The following WDR20 variants were observed in gnomAD, a reference collection of about 807,000 sequenced individuals.
WDR20 encodes the protein WD repeat domain 20, also known as WD repeat-containing protein 20.
WDR20 carries 3 observed loss-of-function variants against 38.7 expected under a neutral mutation model. The ratio of observed to expected loss-of-function variants is 0.08; its 90% confidence interval spans 0.04 to 0.20. The LOEUF (loss-of-function observed/expected upper bound fraction) is 0.20. Among genes scored for constraint, WDR20 ranks in the 10% least tolerant of loss-of-function variants. WDR20 has a pLI of 1.00. For missense variants in WDR20, 559 were observed against 727.7 expected, an observed-to-expected ratio of 0.77 and a Z score of 2.67; for synonymous variants, 298 against 285.6, an observed-to-expected ratio of 1.04 and a Z score of -0.44.
downstream of WDR20, among the ~76,000 whole-genome samples, chr14:102,215,977 G>A (rs1653870229): frequency 6.6e-6 from 1 of 152,128 alleles, no homozygotes; most frequent in South Asian, 2.1e-4. Flanking sequence ...CCTTCCTCAG[G>A]CCCTTGTGCT....
rs1395319327 is a variant in WDR20, at chr14:102,220,849, C to T, written c.1693-1981C>T. On this transcript the variant is annotated intron_variant, in intron 3 of 3. Coordinates refer to the WDR20 transcript ENST00000335263. This position sits in a 1 kb window ranked among gnomAD's most constrained non-coding sequence, Gnocchi z 4.2. Reference sequence around the variant, plus strand: ...GTGCAGTGGATCGCGGCTCATTGCACCCTGCATCTCCTGGGCTCAAGCCAT... The same window carrying T: ...GTGCAGTGGATCGCGGCTCATTGCATCCTGCATCTCCTGGGCTCAAGCCAT... Among the ~76,000 whole-genome samples, 1 of 152,042 alleles carries T rather than the reference C, an allele frequency of 6.6e-6. No individual in the cohort carries two copies. The highest frequency in any genetic ancestry group is 1.5e-5 in the Non-Finnish European group (1 of 68,000).
chr14:102,217,846 C>T (rs894649923), downstream of WDR20, among the ~76,000 whole-genome samples: 10 of 152,202 alleles, frequency 6.6e-5, no homozygotes, highest in Non-Finnish European at 1.2e-4. Flanking sequence ...TCATCGTTTC[C>T]GCACCGTCTC....
At chr14:102,153,166 C>T (rs1238232269) in intron 1 of WDR20, among the ~76,000 whole-genome samples, 1 of 152,130 alleles carries the variant, frequency 6.6e-6, no homozygotes, top group African/African-American at 2.4e-5. Context: ...CTTGCACCTT[C>T]TTTCTCCATG....
At chr14:102,151,725 T>C (rs147110203) in intron 1 of WDR20, among the ~76,000 whole-genome samples, 67 of 151,364 alleles carry the variant, frequency 4.4e-4, no homozygotes, top group African/African-American at 1.5e-3. Context: ...ACATGGGTAC[T>C]CTTTTCTTTT....
chr14:102,224,198 C>T (rs12884628), downstream of WDR20, among the ~76,000 whole-genome samples: 20,542 of 151,874 alleles, frequency 0.14, 1,755 homozygotes, highest in African/African-American at 0.25. Flanking sequence ...CCCGCCACCA[C>T]GCCCGGCTAA....
chr14:102,143,714 T>C (rs1206662978), intron 1 of WDR20, among the ~76,000 whole-genome samples: 2 of 151,854 alleles, frequency 1.3e-5, no homozygotes, highest in Non-Finnish European at 2.9e-5. Flanking sequence ...CCAGCTAATT[T>C]TTGTATTTTT....
Position 102,206,129 on chromosome 14 carries a change from G to A in WDR20, c.433-2474G>A, listed in dbSNP as rs558767319. ...AGCCTCCAGAGCAGCTGGGATTACA[G>A]GTTCGCACTACCATGCCCAGCTAAT... is the stretch of plus-strand genomic sequence containing the variant. On this transcript the variant is annotated intron_variant, in intron 2 of 2. Transcript: ENST00000342702. 2.0e-3 allele frequency among the ~76,000 whole-genome samples: 309 copies of A among 152,312 alleles called. 7 individuals carry two copies. The highest frequency in any genetic ancestry group is 0.02 in the Admixed American group (305 of 15,306).
chr14:102,203,064 A>G (rs1191190382), intron 2 of WDR20, among the ~76,000 whole-genome samples: 2 of 152,174 alleles, frequency 1.3e-5, no homozygotes, highest in Non-Finnish European at 2.9e-5. Flanking sequence ...GACAGTTGTC[A>G]TAGCCTCCTA....
At chr14:102,157,002 T>C (rs1389491914) in intron 1 of WDR20, among the ~76,000 whole-genome samples, 1 of 151,842 alleles carries the variant, frequency 6.6e-6, no homozygotes, top group Non-Finnish European at 1.5e-5. Context: ...AAATAAAAAA[T>C]AAATAAAATA....
intron 1 of WDR20, among the ~76,000 whole-genome samples, chr14:102,190,280 C>T (rs1375631607): frequency 6.6e-6 from 1 of 152,154 alleles, no homozygotes; most frequent in Non-Finnish European, 1.5e-5. Flanking sequence ...GTTGATTAGG[C>T]CAGGCGCAGT....
At chr14:102,174,569 G>A (rs527432311) in intron 1 of WDR20, among the ~76,000 whole-genome samples, 19 of 152,158 alleles carry the variant, frequency 1.2e-4, no homozygotes, top group East Asian at 1.9e-4. Flanking sequence ...ACAGGCGCCC[G>A]CCACCATGCC....
At chr14:102,149,031 C>T (rs1456928838) in intron 1 of WDR20, among the ~76,000 whole-genome samples, 2 of 151,834 alleles carry the variant, frequency 1.3e-5, no homozygotes, top group Non-Finnish European at 2.9e-5. Flanking sequence ...GGTGTGGTGG[C>T]GGGTGCCTGT....
At chr14:102,157,583 T>A (rs1247983620) in intron 1 of WDR20, among the ~76,000 whole-genome samples, 2 of 152,270 alleles carry the variant, frequency 1.3e-5, no homozygotes, top group South Asian at 4.1e-4. Flanking sequence ...TCCATTTGGT[T>A]CAGATAGTAG....
At chr14:102,163,765 G>A (rs1394529016) in intron 1 of WDR20, among the ~76,000 whole-genome samples, 1 of 151,718 alleles carries the variant, frequency 6.6e-6, no homozygotes, top group Non-Finnish European at 1.5e-5. Flanking sequence ...TTTACATAGT[G>A]TCTTCATTGC....
At chr14:102,206,861 C>T in intron 2 of WDR20, among the ~76,000 whole-genome samples, 1 of 152,212 alleles carries the variant, frequency 6.6e-6, no homozygotes, top group Non-Finnish European at 1.5e-5. Context: ...ACCATCCCAT[C>T]ATCCTTGCAC....
chr14:102,151,942 G>A (rs2056036061), intron 1 of WDR20, among the ~76,000 whole-genome samples: 1 of 151,768 alleles, frequency 6.6e-6, no homozygotes, highest in Admixed American at 6.6e-5. Context: ...TTTGGACACA[G>A]GGTCGGTCTC....
At position 102,210,389 on chromosome 14, in the gene WDR20, A is replaced by G; in HGVS notation, c.*509A>G. ...CTATGAAATTTAACTTTAGGAACAA[A>G]ACGTTTAGCAGGGTTGATTGATATT... On this transcript the variant is annotated 3_prime_UTR_variant, in exon 3 of 3. Transcript: ENST00000342702. The G allele has an allele frequency of 1.0e-6, 1 of 985,640 alleles. No individual in the cohort carries two copies. The allele number at this position is 985,640 out of a possible 1,614,324, so 61.1% of individuals were successfully genotyped here.
chr14:102,224,037 A>ATTTTTTTTTTTTTTTTTTTTTTTTTTTTT (rs533802492), downstream of WDR20, among the ~76,000 whole-genome samples: 1 of 123,124 alleles, frequency 8.1e-6, no homozygotes, highest in Non-Finnish European at 1.7e-5. Context: ...TTTACCTGAG[A>ATTTTTTTTTTTTTTTTTTTTTTTTTTTTT]TTTTTTTTTT....
At chr14:102,174,419 TTTA>T (rs1398578375) in intron 1 of WDR20, among the ~76,000 whole-genome samples, 2 of 152,210 alleles carry the variant, frequency 1.3e-5, no homozygotes, top group South Asian at 4.1e-4. Flanking sequence ...TTTTTATTTA[TTTA>T]TTATTATTAT....
Sources: allele counts gnomAD v4.1 joint callset (sites outside exome capture counted in the v4.1 genomes callset), GRCh38; gene constraint gnomAD v4.1.1; non-coding constraint Gnocchi (gnomAD v3.1); transcripts MANE v1.5; gene names NCBI Gene and HGNC (gene_info 2026-07-23, HGNC 2026-07-21).